The following GYPE variants were observed in gnomAD, a reference collection of about 807,000 sequenced individuals.
The protein encoded by GYPE is glycophorin-E.
A neutral mutation model predicts 11.6 loss-of-function variants in GYPE; 8 were observed. The ratio of observed to expected loss-of-function variants is 0.69; its 90% CI spans 0.41 to 1.25. The LOEUF (loss-of-function observed/expected upper bound fraction) is 1.25, where lower values mean the gene tolerates loss of function less well. GYPE is among the 50% of genes most tolerant of loss of function. GYPE has a pLI of 0.01. For missense variants in GYPE, 90 were observed against 92.8 expected, an observed-to-expected ratio of 0.97 and a Z score of 0.12; for synonymous variants, 28 against 29.6, an observed-to-expected ratio of 0.94 and a Z score of 0.18.
At chr4:143,892,023 C>T (rs1377668102) in intron 1 of GYPE, among the ~76,000 whole-genome samples, 3 of 152,166 alleles carry the variant, frequency 2.0e-5, no homozygotes, top group Admixed American at 1.3e-4. Context: ...TCAACTTCTT[C>T]CTGGTTTAGT....
chr4:143,883,804 A>G (rs570515205), intron 1 of GYPE, among the ~76,000 whole-genome samples: 38 of 151,988 alleles, frequency 2.5e-4, no homozygotes, highest in Admixed American at 1.1e-3. Flanking sequence ...TTTCAATAGC[A>G]AGCATACTTT....
chr4:143,878,722 CAAAGAAAA>C (rs1743906157), intron 2 of GYPE: 1 of 470,056 alleles, frequency 2.1e-6, no homozygotes, highest in African/African-American at 2.0e-5. Context: ...GTAAGACGTG[CAAAGAAAA>C]AAATCATTTT....
chr4:143,880,873 T>C (rs1261010596), intron 1 of GYPE, among the ~76,000 whole-genome samples: 1 of 152,178 alleles, frequency 6.6e-6, no homozygotes, highest in Admixed American at 6.5e-5. Context: ...TGTGTTAGTA[T>C]AGTACTTGGC....
intron 1 of GYPE, among the ~76,000 whole-genome samples, chr4:143,891,349 GAC>G (rs1744397448): frequency 8.0e-6 from 1 of 124,820 alleles, no homozygotes; most frequent in Non-Finnish European, 1.6e-5. Context: ...TTTTTTTTGA[GAC>G]AGAGGCTTGC....
chr4:143,896,300 C>G (rs1180427114), intron 1 of GYPE, among the ~76,000 whole-genome samples: 2 of 151,990 alleles, frequency 1.3e-5, no homozygotes, highest in African/African-American at 4.8e-5. Flanking sequence ...TGAACTCAAA[C>G]AAATTTACAA....
At chr4:143,877,737 G>A (rs1464245543) in intron 2 of GYPE, among the ~76,000 whole-genome samples, 1 of 151,288 alleles carries the variant, frequency 6.6e-6, no homozygotes, top group African/African-American at 2.4e-5. Context: ...GAAGTTCTAT[G>A]ATGTGCTTTT....
At chr4:143,875,359 G>A in intron 3 of GYPE, 2 of 995,032 alleles carry the variant, frequency 2.0e-6, no homozygotes, top group Non-Finnish European at 3.1e-6. Flanking sequence ...AGAGAATACA[G>A]TAATAGGCAG....
intron 1 of GYPE, among the ~76,000 whole-genome samples, chr4:143,892,179 AT>A (rs1324418908): frequency 6.6e-6 from 1 of 151,802 alleles, no homozygotes; most frequent in Non-Finnish European, 1.5e-5. Flanking sequence ...TTTTTATTGC[AT>A]CTATTTGATT....
chr4:143,892,542 T>C (rs1275645305), intron 1 of GYPE, among the ~76,000 whole-genome samples: 1 of 151,662 alleles, frequency 6.6e-6, no homozygotes, highest in Non-Finnish European at 1.5e-5. Context: ...AGAACATCTT[T>C]ATTTCTGCCT....
intron 2 of GYPE, among the ~76,000 whole-genome samples, chr4:143,877,394 C>A (rs1318866317): frequency 6.6e-6 from 1 of 152,152 alleles, no homozygotes; most frequent in Non-Finnish European, 1.5e-5. Context: ...AACTATAATG[C>A]AGGTCATCTA....
chr4:143,874,518 G>T (rs1277167002), intron 3 of GYPE, among the ~76,000 whole-genome samples: 1 of 152,212 alleles, frequency 6.6e-6, no homozygotes, highest in South Asian at 2.1e-4. Flanking sequence ...GAACATAGCA[G>T]ATTTGTGACA....
intron 3 of GYPE, among the ~76,000 whole-genome samples, chr4:143,874,238 G>T (rs112005433): frequency 2.0e-5 from 3 of 152,032 alleles, no homozygotes; most frequent in African/African-American, 4.8e-5. Context: ...ACAAAAATTA[G>T]CTATAATCCC....
intron 1 of GYPE, among the ~76,000 whole-genome samples, chr4:143,892,676 A>T (rs1374990781): frequency 7.9e-5 from 12 of 151,712 alleles, no homozygotes; most frequent in Non-Finnish European, 1.5e-4. Context: ...TCTGAGAGAC[A>T]GTTTGTTATA....
intron 3 of GYPE, chr4:143,873,526 T>A (rs1743687930): frequency 2.2e-6 from 1 of 450,878 alleles, no homozygotes; most frequent in African/African-American, 2.0e-5. Flanking sequence ...TATGAGTAAC[T>A]TAAGTGGAGG....
intron 1 of GYPE, among the ~76,000 whole-genome samples, chr4:143,896,685 C>T (rs565827460): frequency 2.0e-5 from 3 of 152,268 alleles, no homozygotes; most frequent in East Asian, 1.9e-4. Context: ...ATAAATCATG[C>T]TGCTATAAAG....
rs1743605497 is a variant in GYPE, at chr4:143,871,086, C to T, written c.*1176G>A. 1 of 149,210 alleles carries T rather than the reference C, an allele frequency of 6.7e-6. No individual in the cohort carries two copies. Among genetic ancestry groups the T allele is most frequent in the South Asian group, 2.1e-4 (1 of 4,794 alleles). The allele number at this position is 149,210 out of a possible 1,614,324, so 9.2% of individuals were successfully genotyped here. ...ATCATGAGAATAGCACAGGGGAAACCACCGCAATGATTCAAGTACCTCCCA... is the reference window on the plus strand; with the variant it reads ...ATCATGAGAATAGCACAGGGGAAACTACCGCAATGATTCAAGTACCTCCCA... On this transcript the variant is annotated 3_prime_UTR_variant, in exon 4 of 4. Coordinates refer to ENST00000358615, the MANE Select transcript of GYPE (RefSeq NM_198682.3).
At chr4:143,897,359 C>T (rs1199966890) in intron 1 of GYPE, among the ~76,000 whole-genome samples, 1 of 151,844 alleles carries the variant, frequency 6.6e-6, no homozygotes, top group Non-Finnish European at 1.5e-5. Context: ...GTCTCAGCTA[C>T]TTGAGAGGCA....
At chr4:143,898,570 A>G (rs184323186) in intron 1 of GYPE, among the ~76,000 whole-genome samples, 68 of 152,252 alleles carry the variant, frequency 4.5e-4, no homozygotes, top group African/African-American at 1.6e-3. Context: ...AGAAACATAA[A>G]GCAGAATAAG....
At chr4:143,880,090 C>A (rs1743966813) in intron 2 of GYPE, among the ~76,000 whole-genome samples, 1 of 152,238 alleles carries the variant, frequency 6.6e-6, no homozygotes, top group South Asian at 2.1e-4. Flanking sequence ...CTGAGCTGAA[C>A]TCATTTTGCC....
Sources: gnomAD v4.1 joint callset for allele counts (sites outside exome capture counted in the v4.1 genomes callset) on GRCh38, gnomAD v4.1.1 for gene constraint, MANE v1.5 for transcripts, NCBI Gene and HGNC (gene_info 2026-07-23, HGNC 2026-07-21) for gene names.